The following CCDC126 variants were observed in gnomAD, a reference collection of about 807,000 sequenced individuals.
The protein encoded by CCDC126 is coiled-coil domain-containing protein 126.
Under a neutral mutation model 11.7 loss-of-function variants are expected in CCDC126, and 5 were observed. That is an observed-to-expected ratio of 0.43 (90% CI 0.22 to 0.90). The LOEUF (loss-of-function observed/expected upper bound fraction) is 0.90, where lower values mean the gene tolerates loss of function less well. CCDC126 is among the 40% of genes least tolerant of loss of function. The probability of loss-of-function intolerance (pLI) is 0.27; values close to 1 mark genes in which losing one functional copy is unlikely to be tolerated. For missense variants in CCDC126, 150 were observed against 163.1 expected (o/e 0.92, Z 0.44); for synonymous variants, 60 against 61.9 (o/e 0.97, Z 0.14).
intron 3 of CCDC126, among the ~76,000 whole-genome samples, chr7:23,621,845 G>T (rs554892979): frequency 6.6e-6 from 1 of 152,134 alleles, no homozygotes; most frequent in Non-Finnish European, 1.5e-5. Context: ...TAATCATGTG[G>T]TTTTTGTCTT....
intron 3 of CCDC126, among the ~76,000 whole-genome samples, chr7:23,618,714 C>A (rs1354242481): frequency 1.3e-5 from 2 of 151,580 alleles, no homozygotes; most frequent in Non-Finnish European, 2.9e-5. Context: ...CCGCGCCCAG[C>A]TAATTTTTAT....
At chr7:23,634,621 A>G (rs1783175212) in intron 3 of CCDC126, among the ~76,000 whole-genome samples, 1 of 152,206 alleles carries the variant, frequency 6.6e-6, no homozygotes, top group African/African-American at 2.4e-5. Context: ...AGAGTGAGCG[A>G]TTCCAGTAGG....
Position 23,644,170 on chromosome 7 carries a change from T to C in CCDC126, c.*1055T>C, listed in dbSNP as rs547269668. On this transcript the variant is annotated 3_prime_UTR_variant, in exon 4 of 4. Coordinates refer to ENST00000307471, the MANE Select transcript of CCDC126 (RefSeq NM_138771.4). ...ATTTGTATAACAGATGCATTAGATA[T>C]TCATTTTATATAATGGCCACTTAAA... 30 of 152,236 alleles carry C rather than the reference T, an allele frequency of 2.0e-4. No homozygotes were observed. The highest frequency in any genetic ancestry group is 6.3e-4 in the African/African-American group (26 of 41,562). The allele number at this position is 152,236 out of a possible 1,614,324, so 9.4% of individuals were successfully genotyped here.
At chr7:23,628,046 A>T (rs1783044380) in intron 3 of CCDC126, among the ~76,000 whole-genome samples, 1 of 152,208 alleles carries the variant, frequency 6.6e-6, no homozygotes, top group African/African-American at 2.4e-5. Context: ...AAATTATTGT[A>T]TAAGTAATGA....
chr7:23,643,202 G>A lies in CCDC126; in HGVS notation c.*87G>A. ...TTTATAATTGCTGGCTTAGGACAGA[G>A]CAATACTTTACAATAAAAGCTCTAC... On this transcript the variant is annotated 3_prime_UTR_variant, in exon 4 of 4. Coordinates refer to ENST00000307471, the MANE Select transcript of CCDC126 (RefSeq NM_138771.4). The A allele has an allele frequency of 2.7e-6, 3 of 1,129,226 alleles. No homozygotes were observed. Among genetic ancestry groups the A allele is most frequent in the African/African-American group, 1.6e-5 (1 of 63,352 alleles). 70.0% of individuals were successfully genotyped at this position (1,129,226 alleles called of 1,614,324 possible).
chr7:23,609,601 C>T (rs1349465446), intron 2 of CCDC126, among the ~76,000 whole-genome samples: 1 of 152,304 alleles, frequency 6.6e-6, no homozygotes, highest in South Asian at 2.1e-4. Context: ...AGTGCTGTGG[C>T]TTATGCCTCT....
intron 2 of CCDC126, among the ~76,000 whole-genome samples, chr7:23,607,620 AC>A (rs1297840196): frequency 2.0e-5 from 3 of 152,184 alleles, no homozygotes; most frequent in Admixed American, 6.5e-5. Context: ...GAAATCACAG[AC>A]AGTTCTCTGA....
chr7:23,642,128 C>T (rs886685898), intron 3 of CCDC126, among the ~76,000 whole-genome samples: 1 of 152,184 alleles, frequency 6.6e-6, no homozygotes, highest in Non-Finnish European at 1.5e-5. Flanking sequence ...TCTCCTGCCT[C>T]AGCCTCCCAA....
At chr7:23,598,995 C>G (rs532444966) in intron 2 of CCDC126, among the ~76,000 whole-genome samples, 210 of 152,186 alleles carry the variant, frequency 1.4e-3, no homozygotes, top group African/African-American at 4.7e-3. Flanking sequence ...TGTGTAAACC[C>G]TTTTAGTCAT....
At chr7:23,600,648 G>A (rs907108928) in intron 2 of CCDC126, among the ~76,000 whole-genome samples, 1 of 152,116 alleles carries the variant, frequency 6.6e-6, no homozygotes, top group Non-Finnish European at 1.5e-5. Flanking sequence ...AAGCTTCTCT[G>A]CCTGCTAGTT....
chr7:23,621,341 A>G (rs565949428), intron 3 of CCDC126, among the ~76,000 whole-genome samples: 2 of 152,284 alleles, frequency 1.3e-5, no homozygotes, highest in South Asian at 2.1e-4. Flanking sequence ...CTTTGAAGCA[A>G]TTGTGAATGG....
intron 2 of CCDC126, among the ~76,000 whole-genome samples, chr7:23,606,649 T>C (rs1250397677): frequency 6.6e-6 from 1 of 152,180 alleles, no homozygotes; most frequent in Non-Finnish European, 1.5e-5. Context: ...TTATTCTACT[T>C]TTGTGCCATA....
rs768302932 is a variant in CCDC126 at position 23,643,109 on chromosome 7, C to G, written c.417C>G (p.Ile139Met). Residue 139 changes from isoleucine (I) to methionine (M), a missense_variant, in exon 4 of 4, where the codon ATC (isoleucine) becomes ATG (methionine). Ile to Met is a conservative substitution (Grantham distance 10). Transcript: ENST00000307471. ...TNKRTNVSGS[I>M]R ...AAAGAACGAATGTCTCGGGCAGTAT[C>G]AGATAGCAGTTGAAAATCACCTTGT... 6 of 1,613,124 alleles carry G rather than the reference C, an allele frequency of 3.7e-6. No homozygotes were observed. The highest frequency in any genetic ancestry group is 4.2e-6 in the Non-Finnish European group (5 of 1,179,522).
chr7:23,639,303 T>C (rs1483087418), intron 3 of CCDC126, among the ~76,000 whole-genome samples: 1 of 151,964 alleles, frequency 6.6e-6, no homozygotes, highest in Non-Finnish European at 1.5e-5. Context: ...GCAGTTCTTC[T>C]GCTTCAGCCT....
At chr7:23,611,613 A>T in intron 3 of CCDC126, 60 bp downstream of exon 3, 1 of 1,248,942 alleles carries the variant, frequency 8.0e-7, no homozygotes, top group Non-Finnish European at 1.2e-6. Flanking sequence ...ATGGTTTTGG[A>T]AATTGAACTT....
In CCDC126 at chr7:23,609,345, G is replaced by A. The variant is rs147269760; in HGVS notation, c.-145-1826G>A. Among the ~76,000 whole-genome samples, 773 of 152,028 alleles carry A rather than the reference G, an allele frequency of 5.1e-3. 9 individuals carry two copies. Among genetic ancestry groups the A allele is most frequent in the African/African-American group, 0.018 (746 of 41,450 alleles). On this transcript the variant is annotated intron_variant, in intron 2 of 3. Transcript: ENST00000307471. ...ATTACAAGCATGCGCCACCACGTCC[G>A]GCTAATTTTGTATTTTTAGTAGAGA...
At chr7:23,613,179 C>T (rs558453622) in intron 3 of CCDC126, among the ~76,000 whole-genome samples, 2 of 152,082 alleles carry the variant, frequency 1.3e-5, no homozygotes, top group African/African-American at 2.4e-5. Flanking sequence ...GGCGTGGTGG[C>T]GCGCACTTGT....
chr7:23,598,462 G>A (rs1782468122), intron 2 of CCDC126: 3 of 152,202 alleles, frequency 2.0e-5, no homozygotes, highest in Admixed American at 2.0e-4. Flanking sequence ...TTTTAAGATG[G>A]CTGAGAATGT....
chr7:23,600,022 T>C (rs2128013251), intron 2 of CCDC126, among the ~76,000 whole-genome samples: 1 of 152,308 alleles, frequency 6.6e-6, no homozygotes, highest in Admixed American at 6.5e-5. Context: ...TGACCTCAAG[T>C]GATCCGCCCT....
Sources: allele counts gnomAD v4.1 joint callset (sites outside exome capture counted in the v4.1 genomes callset), GRCh38; gene constraint gnomAD v4.1.1; transcripts MANE v1.5; gene names NCBI Gene and HGNC (gene_info 2026-07-23, HGNC 2026-07-21).